Variants in CENPM observed in about 807,000 individuals in gnomAD.
CENPM encodes the protein interphase centromere complex protein 39.
Under a neutral mutation model 19.6 loss-of-function variants are expected in CENPM, and 14 were observed. The ratio of observed to expected loss-of-function variants is 0.71; its 90% CI spans 0.47 to 1.11. CENPM has a LOEUF of 1.11. Ranked by LOEUF, CENPM falls within the 50% of genes most tolerant of loss-of-function variation. The probability of loss-of-function intolerance (pLI) is 0.00; values close to 1 mark genes in which losing one functional copy is unlikely to be tolerated. For missense variants in CENPM, 239 were observed against 228.4 expected, an observed-to-expected ratio of 1.05 and a Z score of -0.30; for synonymous variants, 114 against 101.5, an observed-to-expected ratio of 1.12 and a Z score of -0.74.
the CENPM span, among the ~76,000 whole-genome samples, chr22:41,928,838 C>CATCCAGGGCAG: frequency 6.7e-6 from 1 of 148,376 alleles, no homozygotes; most frequent in Non-Finnish European, 1.5e-5. This position sits in a 1 kb window ranked among gnomAD's most constrained non-coding sequence, Gnocchi z 4.0. Context: ...CTGTGGCCCA[C>CATCCAGGGCAG]GTCCAGGGCA....
In CENPM at chr22:41,943,687, G is replaced by A. The variant is rs1602390767; in HGVS notation, c.325C>T (p.His109Tyr). ...FLATGAGRESHCSIHRHTVVK... is the reference protein window; with the variant it reads ...FLATGAGRESYCSIHRHTVVK... ...ACGGTGTGCCGGTGAATGCTGCAGTGGCTCTCCCGCCCAGCTGGAAAGAAG... is the reference window on the plus strand; with the variant it reads ...ACGGTGTGCCGGTGAATGCTGCAGTAGCTCTCCCGCCCAGCTGGAAAGAAG... The change falls in exon 5 of 6, where the codon CAC becomes TAC. Residue 109 changes from histidine to tyrosine, a missense_variant. Transcript: ENST00000215980. The A allele has an allele frequency of 6.2e-7, 1 of 1,613,472 alleles. No homozygotes were observed. The highest frequency in any genetic ancestry group is 8.5e-7 in the Non-Finnish European group (1 of 1,179,766).
At chr22:41,940,081 T>C (rs1252470077) in intron 5 of CENPM, 1 of 723,912 alleles carries the variant, frequency 1.4e-6, no homozygotes, top group African/African-American at 1.7e-5. Flanking sequence ...TCCTGATTTC[T>C]CCACCCCAAC....
chr22:41,945,369 G>A, intron 3 of CENPM, 65 bp from the exon 4 acceptor site: 1 of 1,602,280 alleles, frequency 6.2e-7, no homozygotes, highest in Non-Finnish European at 8.5e-7. Flanking sequence ...GGAGAAAGCA[G>A]AAGTCCTTGC....
chr22:41,931,448 C>T, the CENPM span, among the ~76,000 whole-genome samples: 1 of 151,570 alleles, frequency 6.6e-6, no homozygotes, highest in Non-Finnish European at 1.5e-5. Context: ...CCACTGCACT[C>T]CAGCCTGGCT....
downstream of CENPM, among the ~76,000 whole-genome samples, chr22:41,938,569 T>C (rs1254984413): frequency 6.6e-6 from 1 of 152,080 alleles, no homozygotes. Context: ...TACACCATGT[T>C]GGCCAGGATG....
the CENPM span, among the ~76,000 whole-genome samples, chr22:41,931,902 T>C: frequency 6.6e-6 from 1 of 152,188 alleles, no homozygotes; most frequent in African/African-American, 2.4e-5. Context: ...TCAGTTTTCG[T>C]TGTAATTATG....
chr22:41,942,322 G>A (rs376564866), intron 5 of CENPM, among the ~76,000 whole-genome samples: 7 of 152,284 alleles, frequency 4.6e-5, no homozygotes, highest in South Asian at 2.1e-4. Flanking sequence ...CATAAAAAGC[G>A]GCTAAAGGCC....
downstream of CENPM, among the ~76,000 whole-genome samples, chr22:41,938,012 T>C (rs943522838): frequency 1.3e-5 from 2 of 150,482 alleles, no homozygotes; most frequent in African/African-American, 4.9e-5. Flanking sequence ...CCTGGCTAAT[T>C]TGTTTGTATT....
At chr22:41,945,834 C>A in intron 3 of CENPM, 79 bp downstream of exon 3, 1 of 1,168,522 alleles carries the variant, frequency 8.6e-7, no homozygotes, top group South Asian at 1.4e-5. Context: ...CACTTCCCAT[C>A]ACAAGTTAGG....
At chr22:41,937,046 G>A (rs563085056), downstream of CENPM, among the ~76,000 whole-genome samples, 1 of 152,316 alleles carries the variant, frequency 6.6e-6, no homozygotes, top group African/African-American at 2.4e-5. Flanking sequence ...CCTGGCACAT[G>A]CAGGGTGAAT....
chr22:41,945,507 G>T, intron 3 of CENPM: 2 of 1,086,164 alleles, frequency 1.8e-6, no homozygotes, highest in Non-Finnish European at 2.5e-6. Flanking sequence ...CTGGAGTGCA[G>T]TAGCGCGATC....
At chr22:41,946,706 T>A in intron 1 of CENPM, 1 of 596,938 alleles carries the variant, frequency 1.7e-6, no homozygotes, top group Non-Finnish European at 3.0e-6. Context: ...CACTCTCTAC[T>A]ACCCGACCCT....
At chr22:41,932,950 A>G in the CENPM span, among the ~76,000 whole-genome samples, 1 of 152,198 alleles carries the variant, frequency 6.6e-6, no homozygotes, top group African/African-American at 2.4e-5. The surrounding 1 kb of genome is among the most constrained non-coding windows in gnomAD (Gnocchi z 4.3). Context: ...GGAAGCAGAG[A>G]GGAAACCCAA....
At chr22:41,934,777 G>A (rs763748778), downstream of CENPM, among the ~76,000 whole-genome samples, 1 of 152,192 alleles carries the variant, frequency 6.6e-6, no homozygotes, top group Non-Finnish European at 1.5e-5. Flanking sequence ...GAGGCTTGCC[G>A]AGGGTGAGTG....
downstream of CENPM, among the ~76,000 whole-genome samples, chr22:41,937,485 G>A (rs2077688726): frequency 2.0e-5 from 3 of 152,086 alleles, no homozygotes; most frequent in South Asian, 6.2e-4. Flanking sequence ...TAGTGGAGAC[G>A]GGGTTTCACC....
downstream of CENPM, among the ~76,000 whole-genome samples, chr22:41,933,937 G>A (rs922719971): frequency 1.3e-5 from 2 of 152,220 alleles, no homozygotes; most frequent in African/African-American, 2.4e-5. Flanking sequence ...GTCTGTAGAG[G>A]GTGGAAGGGC....
chr22:41,943,655 C>T lies in CENPM; in HGVS notation c.357G>A (p.Lys119=). 1 of 1,613,904 alleles carries T rather than the reference C, an allele frequency of 6.2e-7. No homozygotes were observed. Among genetic ancestry groups the T allele is most frequent in the South Asian group, 1.1e-5 (1 of 91,014 alleles). Residue 119 remains lysine, a synonymous_variant, in exon 5 of 6, where the codon AAG becomes AAA. Transcript: ENST00000215980. ...GGGGGCTTTGATAGGTGTGGGCCAG[C>T]TTCACCACGGTGTGCCGGTGAATGC... ...HCSIHRHTVV[K]LAHTYQSPLL...
intron 1 of CENPM, 76 bp downstream of exon 1, chr22:41,946,944 A>T (rs2077812409): frequency 1.4e-6 from 2 of 1,459,482 alleles, no homozygotes. Flanking sequence ...CGCCTCAGAG[A>T]GCTCAGTTGA....
chr22:41,938,473 C>G (rs2077694929), downstream of CENPM, among the ~76,000 whole-genome samples: 1 of 145,656 alleles, frequency 6.9e-6, no homozygotes, highest in South Asian at 2.3e-4. Context: ...TCAAGTGATT[C>G]TCCTGCCTCA....
Sources: allele counts gnomAD v4.1 joint callset (sites outside exome capture counted in the v4.1 genomes callset), GRCh38; gene constraint gnomAD v4.1.1; non-coding constraint Gnocchi (gnomAD v3.1); transcripts MANE v1.5; gene names NCBI Gene and HGNC (gene_info 2026-07-23, HGNC 2026-07-21).